Variants in NFKBID observed in about 807,000 individuals in gnomAD.
The protein encoded by NFKBID is NF-kappa-B inhibitor delta.
In NFKBID, 26 loss-of-function variants were observed where a neutral mutation model predicts 53.4. The observed-to-expected ratio is 0.49, with a 90% CI of 0.36 to 0.68. The LOEUF is 0.68. Ranked by LOEUF, NFKBID falls within the 30% of genes least tolerant of loss-of-function variation. NFKBID has a pLI of 0.00. For missense variants in NFKBID, 493 were observed against 614.1 expected, an observed-to-expected ratio of 0.80 and a Z score of 2.08; for synonymous variants, 262 against 259.8, an observed-to-expected ratio of 1.01 and a Z score of -0.08.
At chr19:35,898,209 C>T (rs1354347319) in intron 3 of NFKBID, among the ~76,000 whole-genome samples, 2 of 152,028 alleles carry the variant, frequency 1.3e-5, no homozygotes, top group African/African-American at 4.8e-5. Flanking sequence ...ATTAGCCAAG[C>T]AAGGTGGCAT....
At chr19:35,899,951 C>T (rs1403218074) in intron 1 of NFKBID, among the ~76,000 whole-genome samples, 1 of 151,882 alleles carries the variant, frequency 6.6e-6, no homozygotes, top group African/African-American at 2.4e-5. Context: ...CTGCTCAGCC[C>T]CGCACGGGTG....
At chr19:35,888,880 T>C (rs117757044) in intron 11 of NFKBID, among the ~76,000 whole-genome samples, 3,330 of 152,180 alleles carry the variant, frequency 0.022, 108 homozygotes, top group Admixed American at 0.043. Context: ...ACCCCGCCTC[T>C]ACCAGAGATA....
exon 4 of NFKBID, chr19:35,897,753 G>A: frequency 6.2e-7 from 1 of 1,611,406 alleles, no homozygotes; most frequent in South Asian, 1.1e-5. Flanking sequence ...AAGAGTAGGG[G>A]CTGTCAGTGT....
In NFKBID at chr19:35,898,588, G is replaced by A. The variant is rs974917464; in HGVS notation, c.166-56C>T. 6 of 1,444,478 alleles carry A rather than the reference G, an allele frequency of 4.2e-6. No homozygotes were observed. In the East Asian group the frequency reaches 1.2e-4, roughly 30 times the overall value. 89.5% of individuals were successfully genotyped at this position (1,444,478 alleles called of 1,614,324 possible). On this transcript the variant is annotated intron_variant, in intron 2 of 11. Coordinates refer to ENST00000641389, the Ensembl canonical transcript of NFKBID. Reference sequence around the variant, plus strand: ...GTGACTTTATCTGGCAGATTCCTCCGGGTCTGTCTCGGATCTATAAGACAT... The same window carrying A: ...GTGACTTTATCTGGCAGATTCCTCCAGGTCTGTCTCGGATCTATAAGACAT...
Position 35,896,633 on chromosome 19 carries a change from A to AC in NFKBID, c.684+92dup, listed in dbSNP as rs1440112952. ...CATCCCCCCTCAGCCCCAGGAGCTC[A>AC]CCCCCCATTCCCCTCTTCTCTAGGA... On this transcript the variant is annotated intron_variant, in intron 6 of 11. Transcript: ENST00000641389. The surrounding 1 kb of genome is among the most constrained non-coding windows in gnomAD (Gnocchi z 5.7). 1.7e-5 allele frequency: 22 copies of AC among 1,263,860 alleles called. No individual in the cohort carries two copies. The highest frequency in any genetic ancestry group is 1.0e-4 in the East Asian group (4 of 38,682). 78.3% of individuals were successfully genotyped at this position (1,263,860 alleles called of 1,614,324 possible).
chr19:35,888,288 T>G (rs1353909423), exon 12 of NFKBID: 1 of 466,590 alleles, frequency 2.1e-6, no homozygotes, highest in Non-Finnish European at 3.9e-6. Context: ...GGGAAAGGAC[T>G]AGGGGTGCAG....
At chr19:35,901,206 A>G (rs1416769835), upstream of NFKBID, among the ~76,000 whole-genome samples, 2 of 136,936 alleles carry the variant, frequency 1.5e-5, no homozygotes, top group Non-Finnish European at 3.1e-5. Context: ...CCATGGGGGT[A>G]GGGGTAGGAG....
chr19:35,899,254 G>A (rs1360605877), intron 1 of NFKBID, among the ~76,000 whole-genome samples: 2 of 152,124 alleles, frequency 1.3e-5, no homozygotes, highest in Non-Finnish European at 2.9e-5. Context: ...CGGAAATCAG[G>A]AGTCCCCAGC....
intron 10 of NFKBID, 62 bp from the exon 11 acceptor site, chr19:35,890,116 G>A: frequency 2.0e-6 from 3 of 1,484,946 alleles, no homozygotes; most frequent in Non-Finnish European, 2.7e-6. Flanking sequence ...CCTCTAAACT[G>A]CACTTCAATT....
intron 11 of NFKBID, among the ~76,000 whole-genome samples, chr19:35,888,986 G>A (rs527803169): frequency 9.2e-5 from 14 of 151,614 alleles, no homozygotes; most frequent in African/African-American, 2.4e-4. Flanking sequence ...TGGAGCTTGC[G>A]GTGAGCTAAA....
rs751804364 is a variant in NFKBID at position 35,896,783 on chromosome 19, A to G, written c.627T>C (p.Ala209=). ...GGTACACCTGGAGCACCTCAGCCGCAGCATATGCCGCCCAGCGCAGCCCCC... is the reference window on the plus strand; with the variant it reads ...GGTACACCTGGAGCACCTCAGCCGCGGCATATGCCGCCCAGCGCAGCCCCC... The change falls in exon 6 of 12, where the codon GCT becomes GCC. Residue 209 remains alanine (A), a synonymous_variant. Transcript: ENST00000641389. The surrounding 1 kb of genome is among the most constrained non-coding windows in gnomAD (Gnocchi z 5.7). 8 of 1,613,974 alleles carry G rather than the reference A, an allele frequency of 5.0e-6. No homozygotes were observed. Among genetic ancestry groups the G allele is most frequent in the South Asian group, 1.1e-5 (1 of 91,082 alleles).
At chr19:35,888,038 G>C (rs1405065273), downstream of NFKBID, 5 of 153,366 alleles carry the variant, frequency 3.3e-5, no homozygotes, top group African/African-American at 4.8e-5. Flanking sequence ...CTGGAACTGG[G>C]GGCCCAGCTG....
Position 35,898,738 on chromosome 19 carries a change from G to GGCT in NFKBID, c.143_145dup (p.Gln48dup), listed in dbSNP as rs1366191115. 10 of 1,535,962 alleles carry GGCT rather than the reference G, an allele frequency of 6.5e-6. No homozygotes were observed. The Middle Eastern group carries it at 8.3e-4, about 128-fold the overall frequency. ...CCTCACCTGCACCCCGCCAGCGTCG[G>GGCT]GCTGCTGCTGCTGGCGGCGCCTCTG... On this transcript the variant is annotated inframe_insertion, in exon 2 of 12. Coordinates refer to ENST00000641389, the Ensembl canonical transcript of NFKBID.
chr19:35,894,731 C>T (rs544636375), intron 9 of NFKBID, among the ~76,000 whole-genome samples: 199 of 152,144 alleles, frequency 1.3e-3, no homozygotes, highest in African/African-American at 4.0e-3. Context: ...CAGTGGCTCA[C>T]GCTTGCAATC....
At chr19:35,888,307 A>T in exon 12 of NFKBID, 5 of 515,406 alleles carry the variant, frequency 9.7e-6, no homozygotes, top group Non-Finnish European at 1.7e-5. Flanking sequence ...AGGGTGTTTC[A>T]CAGAAACAAT....
At chr19:35,891,788 A>G (rs928684996) in intron 9 of NFKBID, among the ~76,000 whole-genome samples, 14 of 151,664 alleles carry the variant, frequency 9.2e-5, no homozygotes, top group African/African-American at 3.2e-4. Context: ...AATAGCTTGA[A>G]CCCGGGAGGC....
chr19:35,896,804 C>A lies in NFKBID; in HGVS notation c.606G>T (p.Gly202=), dbSNP rs1568493101. ...CCGCAGCATATGCCGCCCAGCGCAG[C>A]CCCCGAGCCGCAAACAGGTGAAGGA... Residue 202 remains glycine, a synonymous_variant, in exon 6 of 12, where the codon GGG becomes GGT. Transcript: ENST00000641389. This position sits in a 1 kb window ranked among gnomAD's most constrained non-coding sequence, Gnocchi z 5.7. 3 of 1,613,906 alleles carry A rather than the reference C, an allele frequency of 1.9e-6. No individual in the cohort carries two copies. Among genetic ancestry groups the A allele is most frequent in the African/African-American group, 2.7e-5 (2 of 74,924 alleles).
chr19:35,900,058 G>T (rs1304034129), intron 1 of NFKBID, among the ~76,000 whole-genome samples: 1 of 28,388 alleles, frequency 3.5e-5, no homozygotes, highest in Admixed American at 5.7e-4. Flanking sequence ...GACCCACGCC[G>T]ATTTTAAGCA....
At chr19:35,890,021 C>G in exon 11 of NFKBID, 2 of 1,606,904 alleles carry the variant, frequency 1.2e-6, no homozygotes, top group African/African-American at 2.7e-5. Flanking sequence ...GGGGGCAGGG[C>G]AGCCGCCATG....
Sources: gnomAD v4.1 joint callset for allele counts (sites outside exome capture counted in the v4.1 genomes callset) on GRCh38, gnomAD v4.1.1 for gene constraint, Gnocchi (gnomAD v3.1) non-coding constraint, MANE v1.5 for transcripts, NCBI Gene and HGNC (gene_info 2026-07-23, HGNC 2026-07-21) for gene names.